MBNL2: variants seen among roughly 807,000 people sequenced by gnomAD.
MBNL2 encodes the protein muscleblind like splicing regulator 2.
In MBNL2, 17 loss-of-function variants were observed where a neutral mutation model predicts 41.9. That is an observed-to-expected ratio of 0.41 (90% CI 0.28 to 0.61). The LOEUF (loss-of-function observed/expected upper bound fraction) is 0.61. Ranked by LOEUF, MBNL2 falls within the 20% of genes least tolerant of loss-of-function variation. The probability of loss-of-function intolerance (pLI) is 0.35; values close to 1 mark genes in which losing one functional copy is unlikely to be tolerated. For missense variants in MBNL2, 336 were observed against 505.6 expected, an observed-to-expected ratio of 0.66 and a Z score of 3.22; for synonymous variants, 195 against 182.9, an observed-to-expected ratio of 1.07 and a Z score of -0.53.
At chr13:97,290,533 G>A (rs1325258262) in intron 2 of MBNL2, among the ~76,000 whole-genome samples, 1 of 152,012 alleles carries the variant, frequency 6.6e-6, no homozygotes, top group Non-Finnish European at 1.5e-5. Context: ...AAAATTAGCC[G>A]GGCGCGGTGG....
intron 1 of MBNL2, among the ~76,000 whole-genome samples, chr13:97,267,313 C>T (rs984150340): frequency 6.6e-6 from 1 of 152,186 alleles, no homozygotes; most frequent in Non-Finnish European, 1.5e-5. Context: ...AAATCTAACA[C>T]TTAGAAGAGT....
Position 97,247,189 on chromosome 13 carries a change from T to C in MBNL2, c.-605+24658T>C, listed in dbSNP as rs191290034. ...TGTATTAAAAATTTTAACTAACACATGAAGAGAGCTTCGAGATTGTCTAGT... is the reference window on the plus strand; with the variant it reads ...TGTATTAAAAATTTTAACTAACACACGAAGAGAGCTTCGAGATTGTCTAGT... On this transcript the variant is annotated intron_variant, in intron 1 of 8. Coordinates refer to ENST00000679496, the MANE Select transcript of MBNL2 (RefSeq NM_001382683.1). 3.3e-4 allele frequency among the ~76,000 whole-genome samples: 50 copies of C among 152,326 alleles called. 1 individual carries two copies. The highest frequency in any genetic ancestry group is 6.9e-4 in the Non-Finnish European group (47 of 68,026).
the MBNL2 span, among the ~76,000 whole-genome samples, chr13:97,195,448 G>T: frequency 1.3e-5 from 2 of 151,996 alleles, no homozygotes; most frequent in African/African-American, 4.8e-5. Context: ...CCAGAATCTA[G>T]TACCTTACAT....
the MBNL2 span, among the ~76,000 whole-genome samples, chr13:97,194,658 A>T: frequency 2.6e-5 from 4 of 152,130 alleles, no homozygotes; most frequent in Non-Finnish European, 4.4e-5. Context: ...GGACATAAAG[A>T]CCCTGTTGAT....
rs141893562 is a variant in MBNL2, at chr13:97,306,186, G to T, written c.175-28090G>T. On this transcript the variant is annotated intron_variant, in intron 2 of 8. Coordinates refer to ENST00000679496, the MANE Select transcript of MBNL2 (RefSeq NM_001382683.1). ...ACCAGAAGAACCTAACTTAATAGGA[G>T]ATTTCAGATGACAGAATTGTCCAGT... Among the ~76,000 whole-genome samples the T allele has an allele frequency of 4.3e-3, 660 of 152,358 alleles. 2 individuals are homozygous for T. Among genetic ancestry groups the T allele is most frequent in the African/African-American group, 0.014 (599 of 41,582 alleles).
intron 1 of MBNL2, among the ~76,000 whole-genome samples, chr13:97,244,072 C>G (rs1248993260): frequency 6.6e-6 from 1 of 152,170 alleles, no homozygotes. Flanking sequence ...AAATAAAAAA[C>G]AGATTCATCT....
chr13:97,364,164 GTA>G (rs1293356922), intron 7 of MBNL2, among the ~76,000 whole-genome samples: 1 of 152,160 alleles, frequency 6.6e-6, no homozygotes, highest in Non-Finnish European at 1.5e-5. Context: ...CATGATGCGT[GTA>G]TGTTATTATG....
the MBNL2 span, among the ~76,000 whole-genome samples, chr13:97,155,402 T>G: frequency 1.3e-5 from 2 of 151,608 alleles, no homozygotes; most frequent in Non-Finnish European, 2.9e-5. Flanking sequence ...TTATTTTTTT[T>G]TTTATTATTA....
the MBNL2 span, among the ~76,000 whole-genome samples, chr13:97,186,528 C>G: frequency 6.6e-6 from 1 of 152,176 alleles, no homozygotes. Context: ...CTACCATTAT[C>G]TTTTAATAAA....
At chr13:97,160,315 A>C in the MBNL2 span, among the ~76,000 whole-genome samples, 10 of 152,258 alleles carry the variant, frequency 6.6e-5, no homozygotes, top group East Asian at 1.5e-3. Context: ...TTTCTGCAAA[A>C]GGCAAGAAGA....
the MBNL2 span, among the ~76,000 whole-genome samples, chr13:97,164,762 CTT>C: frequency 1.3e-5 from 2 of 152,132 alleles, no homozygotes; most frequent in African/African-American, 4.8e-5. Context: ...AAAAATGTCT[CTT>C]AATTCTGGAG....
At chr13:97,357,289 A>G (rs1201700516) in intron 6 of MBNL2, among the ~76,000 whole-genome samples, 193 bp from the exon 7 acceptor site, 1 of 152,186 alleles carries the variant, frequency 6.6e-6, no homozygotes, top group Non-Finnish European at 1.5e-5. Flanking sequence ...TTTGGGTTAC[A>G]GAAATCATGC....
At chr13:97,282,878 C>T (rs945991622) in intron 2 of MBNL2, among the ~76,000 whole-genome samples, 11 of 152,166 alleles carry the variant, frequency 7.2e-5, no homozygotes, top group East Asian at 3.9e-4. Flanking sequence ...CAGCACCTAG[C>T]GTGGCATCTG....
chr13:97,202,010 G>A, the MBNL2 span, among the ~76,000 whole-genome samples: 1 of 152,212 alleles, frequency 6.6e-6, no homozygotes, highest in African/African-American at 2.4e-5. Context: ...ATCACAGCTT[G>A]AGGCTGGACA....
Position 97,276,287 on chromosome 13 carries a change from G to A in MBNL2, c.52G>A (p.Val18Ile), listed in dbSNP as rs1302794031. ...VRDTKWLTLEVCRQFQRGTCS... is the reference protein window; with the variant it reads ...VRDTKWLTLEICRQFQRGTCS... Reference sequence around the variant, plus strand: ...AGATACAAAATGGCTGACATTAGAAGTCTGCAGACAGTTTCAAAGAGGAAC... The same window carrying A: ...AGATACAAAATGGCTGACATTAGAAATCTGCAGACAGTTTCAAAGAGGAAC... The change falls in exon 2 of 9, where the codon GTC (valine) becomes ATC (isoleucine). Residue 18 changes from valine to isoleucine, a missense_variant. Transcript: ENST00000679496. 1 of 1,614,016 alleles carries A rather than the reference G, an allele frequency of 6.2e-7. No homozygotes were observed. Among genetic ancestry groups the A allele is most frequent in the Non-Finnish European group, 8.5e-7 (1 of 1,179,894 alleles).
intron 1 of MBNL2, among the ~76,000 whole-genome samples, chr13:97,232,534 G>A (rs988276110): frequency 6.6e-6 from 1 of 152,100 alleles, no homozygotes; most frequent in Admixed American, 6.5e-5. Flanking sequence ...ACTTGCCAAG[G>A]TTACAGAATA....
intron 3 of MBNL2, among the ~76,000 whole-genome samples, chr13:97,339,933 C>T (rs1196210438): frequency 6.7e-6 from 1 of 149,088 alleles, no homozygotes; most frequent in Non-Finnish European, 1.5e-5. Flanking sequence ...ATCTAGTAAT[C>T]GCAGAAGAGT....
intron 7 of MBNL2, among the ~76,000 whole-genome samples, chr13:97,363,904 A>T (rs1366884490): frequency 3.3e-5 from 5 of 152,168 alleles, no homozygotes; most frequent in Non-Finnish European, 7.3e-5. Flanking sequence ...GAGAATAAAG[A>T]CCTACACATC....
intron 8 of MBNL2, among the ~76,000 whole-genome samples, chr13:97,378,943 G>C (rs1241011867): frequency 6.6e-6 from 1 of 152,136 alleles, no homozygotes; most frequent in Admixed American, 6.5e-5. Context: ...AGAATAATTT[G>C]CTTAAGATTC....
Sources: gnomAD v4.1 joint callset for allele counts (sites outside exome capture counted in the v4.1 genomes callset) on GRCh38, gnomAD v4.1.1 for gene constraint, MANE v1.5 for transcripts, NCBI Gene and HGNC (gene_info 2026-07-23, HGNC 2026-07-21) for gene names.